Variants in IQCJ observed in about 807,000 individuals in gnomAD.
IQCJ encodes the protein IQ motif containing J, also known as IQ domain-containing protein J.
IQCJ carries 9 observed loss-of-function variants against 11.0 expected under a neutral mutation model. The observed-to-expected ratio is 0.82, with a 90% confidence interval of 0.49 to 1.43. The LOEUF is 1.43. Ranked by LOEUF, IQCJ falls within the 40% of genes most tolerant of loss-of-function variation. IQCJ has a pLI of 0.00. For synonymous variants in IQCJ, 55 were observed against 51.3 expected (o/e 1.07, Z -0.31); for missense variants, 146 against 133.2 (o/e 1.10, Z -0.47).
intron 1 of IQCJ, among the ~76,000 whole-genome samples, chr3:159,193,472 T>A (rs1031071733): frequency 6.6e-6 from 1 of 152,172 alleles, no homozygotes; most frequent in African/African-American, 2.4e-5. Flanking sequence ...AGTATACCCA[T>A]ATGAGTATGC....
chr3:159,087,551 A>G (rs1716879607), intron 1 of IQCJ, among the ~76,000 whole-genome samples: 1 of 150,904 alleles, frequency 6.6e-6, no homozygotes, highest in South Asian at 2.1e-4. Flanking sequence ...CTGGTCCTGG[A>G]CTCTTTTTGG....
intron 3 of IQCJ, among the ~76,000 whole-genome samples, chr3:159,258,266 T>C (rs9827242): frequency 0.14 from 20,879 of 152,176 alleles, 1,827 homozygotes; most frequent in Middle Eastern, 0.21. Context: ...CTTTTTCTCA[T>C]AGTCTCAGTA....
intron 1 of IQCJ, among the ~76,000 whole-genome samples, chr3:159,162,678 AG>A (rs1344185732): frequency 1.3e-5 from 2 of 152,198 alleles, no homozygotes; most frequent in Non-Finnish European, 2.9e-5. Flanking sequence ...ACCACTAGCA[AG>A]ACTAATATAG....
At chr3:159,184,956 T>C (rs61377410) in intron 1 of IQCJ, among the ~76,000 whole-genome samples, 7,282 of 152,234 alleles carry the variant, frequency 0.048, 570 homozygotes, top group African/African-American at 0.17. Flanking sequence ...TTTTGTATGA[T>C]AAGAAGTTAC....
At chr3:159,220,790 G>T (rs1725490880) in intron 1 of IQCJ, among the ~76,000 whole-genome samples, 1 of 152,126 alleles carries the variant, frequency 6.6e-6, no homozygotes, top group Non-Finnish European at 1.5e-5. Flanking sequence ...GAGCTGCACA[G>T]CCTAGCCACT....
Position 159,262,845 on chromosome 3 carries a change from C to T in IQCJ, c.*114C>T, listed in dbSNP as rs1295197243. On this transcript the variant is annotated 3_prime_UTR_variant, in exon 4 of 4. Transcript: ENST00000397832. Reference sequence around the variant, plus strand: ...CAGGAACCCATGGTGAGAGTTTTGTCACCTCAAAATAAAGACACAATTCAT... The same window carrying T: ...CAGGAACCCATGGTGAGAGTTTTGTTACCTCAAAATAAAGACACAATTCAT... 2.8e-6 allele frequency: 4 copies of T among 1,438,352 alleles called. No individual in the cohort carries two copies. Among genetic ancestry groups the T allele is most frequent in the Non-Finnish European group, 3.7e-6 (4 of 1,090,346 alleles). 89.1% of individuals were successfully genotyped at this position (1,438,352 alleles called of 1,614,324 possible). A position where few individuals can be genotyped will look rare whatever the true frequency, so the allele number is the denominator to read the frequency against.
At chr3:159,148,794 G>A (rs753007665) in intron 1 of IQCJ, among the ~76,000 whole-genome samples, 23 of 152,076 alleles carry the variant, frequency 1.5e-4, no homozygotes, top group Non-Finnish European at 1.9e-4. Flanking sequence ...TTTTTAACAA[G>A]TGCTTTCATT....
At chr3:159,078,542 C>G (rs538017493) in intron 1 of IQCJ, among the ~76,000 whole-genome samples, 1 of 150,552 alleles carries the variant, frequency 6.6e-6, no homozygotes, top group Non-Finnish European at 1.5e-5. Flanking sequence ...TTGGCCCACC[C>G]GCCCCCCGCC....
intron 1 of IQCJ, among the ~76,000 whole-genome samples, chr3:159,236,847 A>G (rs538976977): frequency 7.9e-5 from 12 of 152,322 alleles, no homozygotes; most frequent in Admixed American, 7.2e-4. Flanking sequence ...TTACACTTCC[A>G]TTAAAAAACG....
At chr3:159,244,504 TA>T (rs1448144348) in intron 1 of IQCJ, among the ~76,000 whole-genome samples, 1 of 152,228 alleles carries the variant, frequency 6.6e-6, no homozygotes, top group Non-Finnish European at 1.5e-5. Context: ...CTCTATATAC[TA>T]GACCTCTTTT....
chr3:159,201,976 T>C (rs1724374593), intron 1 of IQCJ, among the ~76,000 whole-genome samples: 1 of 152,170 alleles, frequency 6.6e-6, no homozygotes, highest in Non-Finnish European at 1.5e-5. Context: ...CAAAATATAC[T>C]ACACTGGAAG....
chr3:159,229,161 C>G (rs146726175), intron 1 of IQCJ, among the ~76,000 whole-genome samples: 1 of 152,128 alleles, frequency 6.6e-6, no homozygotes, highest in East Asian at 1.9e-4. Flanking sequence ...TATTCCACAC[C>G]CTGGAACTTT....
In IQCJ at chr3:159,092,699, A is replaced by ACACACACACAC. The variant is rs1553775246; in HGVS notation, c.9+23258_9+23259insCACACACACAC. On this transcript the variant is annotated intron_variant, in intron 1 of 3. Transcript: ENST00000397832. ...GGCGACAGAGTGAGACTCCATCACAAACACACACACACACACACACACACA... is the reference window on the plus strand; with the variant it reads ...GGCGACAGAGTGAGACTCCATCACAACACACACACACACACACACACACACACACACACACA... Among the ~76,000 whole-genome samples, 83 of 141,600 alleles carry ACACACACACAC rather than the reference A, an allele frequency of 5.9e-4. 1 individual carries two copies. The highest frequency in any genetic ancestry group is 9.8e-4 in the Admixed American group (14 of 14,316). The allele number at this position is 141,600 out of a possible 152,430, so 92.9% of individuals were successfully genotyped here. A position where few individuals can be genotyped will look rare whatever the true frequency, so the allele number is the denominator to read the frequency against.
chr3:159,094,112 A>T (rs190024895), intron 1 of IQCJ, among the ~76,000 whole-genome samples: 7 of 151,802 alleles, frequency 4.6e-5, no homozygotes, highest in Admixed American at 3.9e-4. Context: ...TCTCTTGGCA[A>T]TGTCCAAAAT....
At chr3:159,252,945 A>T in intron 3 of IQCJ, 138 bp downstream of exon 3, 1 of 806,488 alleles carries the variant, frequency 1.2e-6, no homozygotes, top group Non-Finnish European at 2.0e-6. Context: ...TCCCTCTTCT[A>T]AGCAGGAACA....
intron 1 of IQCJ, among the ~76,000 whole-genome samples, chr3:159,170,141 A>T (rs922018833): frequency 2.6e-5 from 4 of 152,176 alleles, no homozygotes; most frequent in African/African-American, 9.7e-5. Context: ...ACAACTCATT[A>T]TTTATAATTT....
intron 1 of IQCJ, among the ~76,000 whole-genome samples, chr3:159,120,932 AT>A (rs548624642): frequency 7.4e-5 from 11 of 149,176 alleles, no homozygotes; most frequent in Middle Eastern, 3.5e-3. Flanking sequence ...TTCTCCAGAC[AT>A]TTTTTTTTTC....
At chr3:159,248,449 CT>C (rs1166483634) in intron 2 of IQCJ, among the ~76,000 whole-genome samples, 8 of 152,174 alleles carry the variant, frequency 5.3e-5, no homozygotes, top group Non-Finnish European at 7.4e-5. Flanking sequence ...CCGTCAATAG[CT>C]ATATGTAAAC....
At chr3:159,238,004 G>T (rs1177541052) in intron 1 of IQCJ, among the ~76,000 whole-genome samples, 3 of 152,290 alleles carry the variant, frequency 2.0e-5, no homozygotes, top group African/African-American at 7.2e-5. Context: ...TTACATAGTT[G>T]TGGCAGAGTA....
Sources: gnomAD v4.1 joint callset for allele counts (sites outside exome capture counted in the v4.1 genomes callset) on GRCh38, gnomAD v4.1.1 for gene constraint, MANE v1.5 for transcripts, NCBI Gene and HGNC (gene_info 2026-07-23, HGNC 2026-07-21) for gene names.